Variants in ARHGAP35 observed in about 807,000 individuals in gnomAD.
The protein encoded by ARHGAP35 is Rho GTPase activating protein 35, also known as rho GTPase-activating protein 35.
Under a neutral mutation model 111.1 loss-of-function variants are expected in ARHGAP35, and 15 were observed. The ratio of observed to expected loss-of-function variants is 0.13; its 90% CI spans 0.09 to 0.21. ARHGAP35 has a LOEUF of 0.21. ARHGAP35 is among the 10% of genes least tolerant of loss of function. The probability of loss-of-function intolerance (pLI) is 1.00; values close to 1 mark genes in which losing one functional copy is unlikely to be tolerated. For missense variants in ARHGAP35, 1,262 were observed against 1,873.0 expected, an observed-to-expected ratio of 0.67 and a Z score of 6.02; for synonymous variants, 643 against 710.3, an observed-to-expected ratio of 0.91 and a Z score of 1.51.
intron 1 of ARHGAP35, among the ~76,000 whole-genome samples, chr19:46,884,116 A>T (rs73566020): frequency 0.031 from 4,676 of 152,238 alleles, 242 homozygotes; most frequent in African/African-American, 0.1. Context: ...GAGAGAATTT[A>T]AAAAAGAAAA....
At position 46,992,469 on chromosome 19, in the gene ARHGAP35, G is replaced by C. The variant is rs2056684369; in HGVS notation, c.4036+2794G>C. Among the ~76,000 whole-genome samples, 1 of 152,188 alleles carries C rather than the reference G, an allele frequency of 6.6e-6. No homozygotes were observed. Among genetic ancestry groups the C allele is most frequent in the African/African-American group, 2.4e-5 (1 of 41,454 alleles). On this transcript the variant is annotated intron_variant, in intron 5 of 6. Coordinates refer to ENST00000672722, the MANE Select transcript of ARHGAP35 (RefSeq NM_004491.5). This position sits in a 1 kb window ranked among gnomAD's most constrained non-coding sequence, Gnocchi z 4.4. ...GCAGAAGAAAAGGCTTGCGCTGCCT[G>C]TTCTGTCTCCTACCTGTAGCCCACC...
chr19:46,878,422 T>G (rs2055938701), intron 1 of ARHGAP35, among the ~76,000 whole-genome samples: 1 of 151,850 alleles, frequency 6.6e-6, no homozygotes, highest in Non-Finnish European at 1.5e-5. Flanking sequence ...GTTCAAGCAA[T>G]TCTTGTGCCT....
chr19:46,884,058 A>G (rs1284861786), intron 1 of ARHGAP35, among the ~76,000 whole-genome samples: 3 of 152,208 alleles, frequency 2.0e-5, no homozygotes, highest in Non-Finnish European at 2.9e-5. Context: ...CCATCTCAAA[A>G]AAACATAGTA....
intron 2 of ARHGAP35, among the ~76,000 whole-genome samples, chr19:46,930,412 C>A (rs1426784241): frequency 6.7e-6 from 1 of 149,028 alleles, no homozygotes; most frequent in African/African-American, 2.5e-5. Flanking sequence ...ACCACCCCAC[C>A]TGCTTCCAGT....
rs1008706974 is a variant in ARHGAP35 at position 47,002,505 on chromosome 19, T to A, written c.*1817T>A. On this transcript the variant is annotated 3_prime_UTR_variant, in exon 7 of 7. Transcript: ENST00000672722. ...TGTTGGATGATGAATTTTTGTCTCT[T>A]CTGGTGGAGCTGTGCCTGGCCCTGT... 6.6e-6 allele frequency: 1 copy of A among 152,268 alleles called. No individual in the cohort carries two copies. Among genetic ancestry groups the A allele is most frequent in the Non-Finnish European group, 1.5e-5 (1 of 68,044 alleles). The allele number at this position is 152,268 out of a possible 1,614,324, so 9.4% of individuals were successfully genotyped here. A position where few individuals can be genotyped will look rare whatever the true frequency, so the allele number is the denominator to read the frequency against.
chr19:46,955,660 G>A (rs755343815), intron 3 of ARHGAP35, among the ~76,000 whole-genome samples: 4 of 151,978 alleles, frequency 2.6e-5, no homozygotes, highest in African/African-American at 7.3e-5. Flanking sequence ...CATACTTCCT[G>A]TATTTGTGGC....
chr19:46,863,390 C>T (rs920958781), intron 1 of ARHGAP35, among the ~76,000 whole-genome samples: 2 of 152,148 alleles, frequency 1.3e-5, no homozygotes, highest in African/African-American at 2.4e-5. Flanking sequence ...CCCCCATTTC[C>T]CCCACTTCCA....
Position 46,920,798 on chromosome 19 carries a change from A to G in ARHGAP35, c.2123A>G (p.Asp708Gly). Residue 708 changes from aspartate (D) to glycine (G), a missense_variant, in exon 2 of 7, where the codon GAC becomes GGC. Coordinates refer to ENST00000672722, the MANE Select transcript of ARHGAP35 (RefSeq NM_004491.5). The surrounding 1 kb of genome is among the most constrained non-coding windows in gnomAD (Gnocchi z 7.0). The stretch of plus-strand genomic sequence containing the variant: ...TTAATTTTGGTTAACAAGAGAGGAG[A>G]CACCAGTGGAGAGACTCTGCATAGC... ...LTLILVNKRG[D>G]TSGETLHSLI... 6.2e-7 allele frequency: 1 copy of G among 1,610,492 alleles called. No individual in the cohort carries two copies. The highest frequency in any genetic ancestry group is 8.5e-7 in the Non-Finnish European group (1 of 1,178,114).
chr19:46,991,336 C>T (rs528462317), intron 5 of ARHGAP35, among the ~76,000 whole-genome samples: 2 of 152,352 alleles, frequency 1.3e-5, no homozygotes, highest in South Asian at 4.1e-4. Flanking sequence ...TTGGCGCCAT[C>T]TAGAGGTGCG....
At chr19:46,932,780 C>T (rs183167645) in intron 2 of ARHGAP35, among the ~76,000 whole-genome samples, 11 of 152,294 alleles carry the variant, frequency 7.2e-5, no homozygotes, top group East Asian at 1.9e-4. Flanking sequence ...ATTGAATCCA[C>T]GTCACTCAGC....
intron 3 of ARHGAP35, among the ~76,000 whole-genome samples, chr19:46,970,494 T>A (rs2056540218): frequency 1.3e-5 from 2 of 152,114 alleles, no homozygotes; most frequent in South Asian, 4.1e-4. Flanking sequence ...CTCCTCAACA[T>A]TACTGCGGAA....
At chr19:46,960,149 C>T (rs910046099) in intron 3 of ARHGAP35, among the ~76,000 whole-genome samples, 2 of 151,732 alleles carry the variant, frequency 1.3e-5, no homozygotes, top group South Asian at 2.1e-4. Context: ...AAAAGTAACC[C>T]GATCTTGTTG....
chr19:46,914,666 C>A (rs965207063), intron 1 of ARHGAP35, among the ~76,000 whole-genome samples: 25 of 152,232 alleles, frequency 1.6e-4, no homozygotes, highest in Non-Finnish European at 3.2e-4. Context: ...GTGTTGCTTT[C>A]TTTAGCATCC....
Position 46,994,673 on chromosome 19 carries a change from A to G in ARHGAP35, c.4037-4631A>G, listed in dbSNP as rs572249429. On this transcript the variant is annotated intron_variant, in intron 5 of 6. Transcript: ENST00000672722. The surrounding 1 kb of genome is among the most constrained non-coding windows in gnomAD (Gnocchi z 5.4). Reference sequence around the variant, plus strand: ...CCGGCCCAGAGCTCCTAGACTAGAGAGGCACCCACTGGGTCCTTTCCCCTC... The same window carrying G: ...CCGGCCCAGAGCTCCTAGACTAGAGGGGCACCCACTGGGTCCTTTCCCCTC... 6.6e-6 allele frequency among the ~76,000 whole-genome samples: 1 copy of G among 152,210 alleles called. No individual in the cohort carries two copies. Among genetic ancestry groups the G allele is most frequent in the Admixed American group, 6.5e-5 (1 of 15,294 alleles).
rs751825882 is a variant in ARHGAP35 at position 46,920,634 on chromosome 19, G to A, written c.1959G>A (p.Thr653=). Residue 653 remains threonine (T), a synonymous_variant, in exon 2 of 7, where the codon ACG becomes ACA. Transcript: ENST00000672722. This position sits in a 1 kb window ranked among gnomAD's most constrained non-coding sequence, Gnocchi z 7.0. ...NVRLPVNSFQ[T]PTFQPHGCLC... is the part of the protein sequence containing the mutation. ...GGCTTCCTGTGAACTCTTTCCAGAC[G>A]CCAACATTTCAGCCCCACGGCTGTC... is the stretch of plus-strand genomic sequence containing the variant. 1.6e-5 allele frequency: 26 copies of A among 1,613,862 alleles called. No individual in the cohort carries two copies. Among genetic ancestry groups the A allele is most frequent in the Admixed American group, 3.3e-5 (2 of 60,000 alleles).
In ARHGAP35 at chr19:46,922,124, C is replaced by G. The variant is rs1169477163; in HGVS notation, c.3449C>G (p.Ser1150Cys). 2 of 1,613,998 alleles carry G rather than the reference C, an allele frequency of 1.2e-6. No homozygotes were observed. The highest frequency in any genetic ancestry group is 2.7e-5 in the African/African-American group (2 of 75,040). Residue 1150 changes from serine (S) to cysteine (C), a missense_variant, in exon 2 of 7, where the codon TCC becomes TGC. Physicochemically the swap from Ser to Cys is moderately radical, Grantham distance 112. This residue lies in a region of ARHGAP35 where 579 missense variants were observed against 716.9 expected (regional missense o/e 0.81). Coordinates refer to ENST00000672722, the MANE Select transcript of ARHGAP35 (RefSeq NM_004491.5). This position sits in a 1 kb window ranked among gnomAD's most constrained non-coding sequence, Gnocchi z 4.0. ...TCTCTAGAGCGAGGGCGCAAGGTTTCCATCGTGAGCAAGCCAGTGCTGTAC... is the reference window on the plus strand; with the variant it reads ...TCTCTAGAGCGAGGGCGCAAGGTTTGCATCGTGAGCAAGCCAGTGCTGTAC... ...TSSLERGRKV[S>C]IVSKPVLYRT... is the part of the protein sequence containing the mutation.
intron 1 of ARHGAP35, among the ~76,000 whole-genome samples, chr19:46,864,920 T>C (rs149123824): frequency 1.3e-3 from 199 of 152,344 alleles, no homozygotes; most frequent in African/African-American, 4.5e-3. Flanking sequence ...GCAGTACTGC[T>C]TAAATGTGTG....
intron 1 of ARHGAP35, among the ~76,000 whole-genome samples, chr19:46,905,274 T>G (rs2056100682): frequency 6.6e-6 from 1 of 152,022 alleles, no homozygotes; most frequent in Non-Finnish European, 1.5e-5. Context: ...ACGCCTATAA[T>G]CTCAGCACTT....
intron 1 of ARHGAP35, among the ~76,000 whole-genome samples, chr19:46,903,773 A>C (rs370524079): frequency 6.6e-6 from 1 of 152,380 alleles, no homozygotes; most frequent in African/African-American, 2.4e-5. Context: ...TCTCTTATCT[A>C]AAGGAAAATC....
Sources: allele counts gnomAD v4.1 joint callset (sites outside exome capture counted in the v4.1 genomes callset), GRCh38; gene constraint gnomAD v4.1.1; regional missense constraint gnomAD v4.1.1; non-coding constraint Gnocchi (gnomAD v3.1); transcripts MANE v1.5; gene names NCBI Gene and HGNC (gene_info 2026-07-23, HGNC 2026-07-21).